CDH4: variants seen among roughly 807,000 people sequenced by gnomAD.
CDH4 encodes the protein cadherin-4.
Under a neutral mutation model 86.0 loss-of-function variants are expected in CDH4, and 33 were observed. The observed-to-expected ratio is 0.38, with a 90% CI of 0.29 to 0.51. The LOEUF (loss-of-function observed/expected upper bound fraction) is 0.51. Ranked by LOEUF, CDH4 falls within the 20% of genes least tolerant of loss-of-function variation. The probability of loss-of-function intolerance (pLI) is 0.86; values close to 1 mark genes in which losing one functional copy is unlikely to be tolerated. For synonymous variants in CDH4, 555 were observed against 549.4 expected (o/e 1.01, Z -0.14); for missense variants, 1,114 against 1,307.4 (o/e 0.85, Z 2.28).
At chr20:61,338,900 C>T (rs78291510) in intron 2 of CDH4, among the ~76,000 whole-genome samples, 7,215 of 152,170 alleles carry the variant, frequency 0.047, 217 homozygotes, top group Middle Eastern at 0.082. Context: ...TTGAACATGC[C>T]TCCAAAGAGA....
intron 2 of CDH4, among the ~76,000 whole-genome samples, chr20:61,532,151 G>A (rs1419212081): frequency 6.6e-6 from 1 of 152,190 alleles, no homozygotes; most frequent in African/African-American, 2.4e-5. Flanking sequence ...AGGACACACT[G>A]ATGACACCAT....
intron 2 of CDH4, among the ~76,000 whole-genome samples, chr20:61,562,916 A>C (rs2086231708): frequency 1.3e-5 from 2 of 152,294 alleles, no homozygotes; most frequent in Admixed American, 6.5e-5. Context: ...AAGCAGCAAC[A>C]GGACCCCCTG....
At chr20:61,478,960 A>ATT (rs549699582) in intron 2 of CDH4, among the ~76,000 whole-genome samples, 2 of 144,602 alleles carry the variant, frequency 1.4e-5, no homozygotes, top group African/African-American at 2.5e-5. Context: ...CATTTTTGAA[A>ATT]TTTTTTTTTT....
intron 2 of CDH4, among the ~76,000 whole-genome samples, chr20:61,444,323 G>GTGTGTGTC (rs2085332078): frequency 1.1e-3 from 1 of 944 alleles, no homozygotes; most frequent in African/African-American, 3.7e-3. Flanking sequence ...TTGTGTATCT[G>GTGTGTGTC]CACGTGTGTT....
intron 2 of CDH4, among the ~76,000 whole-genome samples, chr20:61,411,039 C>A (rs537033791): frequency 6.6e-6 from 1 of 152,100 alleles, no homozygotes; most frequent in African/African-American, 2.4e-5. Context: ...CACAACCGTC[C>A]ATTCATCCTC....
chr20:61,553,818 C>T (rs1052294947), intron 2 of CDH4, among the ~76,000 whole-genome samples: 1 of 152,204 alleles, frequency 6.6e-6, no homozygotes, highest in Non-Finnish European at 1.5e-5. Flanking sequence ...TGCTGCTGGA[C>T]CTCGCTTGGT....
At chr20:61,888,336 C>T (rs1984638811) in intron 7 of CDH4, among the ~76,000 whole-genome samples, 1 of 152,216 alleles carries the variant, frequency 6.6e-6, no homozygotes, top group Admixed American at 6.5e-5. Context: ...TCTGCAGCCT[C>T]CTACCTAGAG....
chr20:61,336,565 C>T (rs1447981714), intron 2 of CDH4, among the ~76,000 whole-genome samples: 1 of 152,178 alleles, frequency 6.6e-6, no homozygotes, highest in African/African-American at 2.4e-5. Context: ...TTCAGCCTCC[C>T]TTGATCAATG....
chr20:61,686,903 T>C (rs557760815), intron 2 of CDH4, among the ~76,000 whole-genome samples: 1 of 152,314 alleles, frequency 6.6e-6, no homozygotes, highest in South Asian at 2.1e-4. Context: ...TCAGATCCTC[T>C]CGAGTCAGGT....
At chr20:61,736,915 G>A (rs993790687) in intron 2 of CDH4, among the ~76,000 whole-genome samples, 5 of 152,172 alleles carry the variant, frequency 3.3e-5, no homozygotes, top group African/African-American at 7.2e-5. Flanking sequence ...GGGGCCAGCC[G>A]CATCCCAGCC....
At chr20:61,449,203 G>A (rs1600688866) in intron 2 of CDH4, among the ~76,000 whole-genome samples, 1 of 152,204 alleles carries the variant, frequency 6.6e-6, no homozygotes. Context: ...CCCAAGCCAA[G>A]GCTGTCCTCA....
At chr20:61,838,364 G>A (rs868383949) in intron 4 of CDH4, among the ~76,000 whole-genome samples, 3 of 151,908 alleles carry the variant, frequency 2.0e-5, no homozygotes, top group Admixed American at 1.3e-4. Flanking sequence ...CAGGGGAACA[G>A]ACAGAAACCC....
intron 3 of CDH4, among the ~76,000 whole-genome samples, chr20:61,770,885 A>C (rs1247735104): frequency 6.6e-6 from 1 of 151,678 alleles, no homozygotes; most frequent in African/African-American, 2.4e-5. Flanking sequence ...TCCGTCTCAA[A>C]AAAAAAAAAA....
At chr20:61,905,538 G>A (rs540175181) in intron 8 of CDH4, among the ~76,000 whole-genome samples, 7 of 152,318 alleles carry the variant, frequency 4.6e-5, no homozygotes, top group East Asian at 1.9e-4. Flanking sequence ...TTCAGGCACG[G>A]CCGCTCCACC....
intron 2 of CDH4, among the ~76,000 whole-genome samples, chr20:61,444,278 TGTATGTA>T (rs2085331204): frequency 1.3e-5 from 2 of 148,372 alleles, no homozygotes; most frequent in Non-Finnish European, 3.0e-5. Context: ...TGTGTGTATG[TGTATGTA>T]TGTGTGGGTT....
At chr20:61,800,875 C>A (rs1032037748) in intron 4 of CDH4, among the ~76,000 whole-genome samples, 1 of 152,228 alleles carries the variant, frequency 6.6e-6, no homozygotes, top group Non-Finnish European at 1.5e-5. Flanking sequence ...TTAGAGCCCA[C>A]CAGTGAGAAT....
At chr20:61,267,262 G>A (rs1307396294) in intron 2 of CDH4, among the ~76,000 whole-genome samples, 1 of 152,212 alleles carries the variant, frequency 6.6e-6, no homozygotes, top group Non-Finnish European at 1.5e-5. Context: ...GGAATCCTGG[G>A]ACTGTGACCT....
chr20:61,456,399 C>G (rs1178274106), intron 2 of CDH4, among the ~76,000 whole-genome samples: 1 of 152,162 alleles, frequency 6.6e-6, no homozygotes, highest in Non-Finnish European at 1.5e-5. Context: ...TTTTGACCCC[C>G]CAGTGGGCAT....
intron 2 of CDH4, among the ~76,000 whole-genome samples, chr20:61,620,501 AGAT>A (rs1038427273): frequency 3.3e-5 from 5 of 149,608 alleles, no homozygotes; most frequent in Admixed American, 2.6e-4. Context: ...GATGGATGAT[AGAT>A]GATAGATTCG....
Sources: gnomAD v4.1 joint callset for allele counts (sites outside exome capture counted in the v4.1 genomes callset) on GRCh38, gnomAD v4.1.1 for gene constraint, MANE v1.5 for transcripts, NCBI Gene and HGNC (gene_info 2026-07-23, HGNC 2026-07-21) for gene names.